The following FUBP1 variants were observed in gnomAD, a reference collection of about 807,000 sequenced individuals.
FUBP1 encodes far upstream element binding protein 1, also known as far upstream element-binding protein 1.
In FUBP1, 16 loss-of-function variants were observed where a neutral mutation model predicts 94.9. That is an observed-to-expected ratio of 0.17 (90% CI 0.11 to 0.26). FUBP1 has a LOEUF of 0.26. FUBP1 is among the 10% of genes least tolerant of loss of function. The pLI, the probability that FUBP1 is intolerant of heterozygous loss-of-function variation, is 1.00. For missense variants in FUBP1, 583 were observed against 808.6 expected (o/e 0.72, Z 3.38); for synonymous variants, 279 against 254.9 (o/e 1.09, Z -0.90).
At chr1:77,957,847 G>A (rs1364345185) in intron 16 of FUBP1, among the ~76,000 whole-genome samples, 2 of 145,058 alleles carry the variant, frequency 1.4e-5, no homozygotes, top group South Asian at 2.2e-4. Flanking sequence ...GAGATGAAGT[G>A]TCTCACTCTG....
At chr1:77,952,853 T>C (rs1016019715) in intron 18 of FUBP1, among the ~76,000 whole-genome samples, 1 of 152,172 alleles carries the variant, frequency 6.6e-6, no homozygotes, top group Non-Finnish European at 1.5e-5. Context: ...GATATACACA[T>C]GTGGCCAGGC....
At chr1:77,969,354 C>T (rs373435417) in intron 2 of FUBP1, among the ~76,000 whole-genome samples, 5 of 151,890 alleles carry the variant, frequency 3.3e-5, no homozygotes, top group African/African-American at 7.2e-5. Context: ...GAAGCTTCAA[C>T]GATTACGATT....
intron 2 of FUBP1, among the ~76,000 whole-genome samples, chr1:77,969,531 G>A (rs1234498747): frequency 6.6e-6 from 1 of 151,982 alleles, no homozygotes; most frequent in Non-Finnish European, 1.5e-5. Flanking sequence ...GGTGCAATTG[G>A]AAATAGAAAA....
intron 2 of FUBP1, among the ~76,000 whole-genome samples, chr1:77,968,474 G>A (rs982820631): frequency 3.3e-5 from 5 of 151,920 alleles, no homozygotes; most frequent in African/African-American, 9.7e-5. Context: ...AAGCACATTA[G>A]AATGACACAA....
At chr1:77,952,368 GTT>G (rs200503134) in intron 18 of FUBP1, among the ~76,000 whole-genome samples, 12 of 143,062 alleles carry the variant, frequency 8.4e-5, no homozygotes, top group South Asian at 2.2e-4. Context: ...GTTTTCAATA[GTT>G]TTTTTTTTTT....
chr1:77,952,247 A>G (rs866298522), intron 18 of FUBP1, among the ~76,000 whole-genome samples: 1 of 151,974 alleles, frequency 6.6e-6, no homozygotes. Flanking sequence ...TCAAAAAAAT[A>G]AAATAAAAAA....
At chr1:77,963,771 T>C (rs1655967271) in intron 12 of FUBP1, 56 bp from the exon 13 acceptor site, 2 of 1,444,112 alleles carry the variant, frequency 1.4e-6, no homozygotes, top group Non-Finnish European at 1.9e-6. Context: ...TTTTGTTTCA[T>C]GATAAAATTA....
Position 77,964,643 on chromosome 1 carries a change from T to C in FUBP1, c.837+3A>G, listed in dbSNP as rs776237171. ...CCATTTCTGAATGGGTATTTTTACT[T>C]ACATCTATCCCTTCATTTCCTCCTA... is the stretch of plus-strand genomic sequence containing the variant. On this transcript the variant is annotated splice_donor_region_variant and intron_variant, in intron 10 of 19. Transcript: ENST00000370768. 7 of 1,511,340 alleles carry C rather than the reference T, an allele frequency of 4.6e-6. No individual in the cohort carries two copies. The South Asian group carries it at 7.9e-5, about 17-fold the overall frequency. The allele number at this position is 1,511,340 out of a possible 1,614,324, so 93.6% of individuals were successfully genotyped here.
At chr1:77,973,736 C>T (rs1319315552) in intron 1 of FUBP1, among the ~76,000 whole-genome samples, 1 of 152,068 alleles carries the variant, frequency 6.6e-6, no homozygotes, top group African/African-American at 2.4e-5. Flanking sequence ...ACAGTAGTCT[C>T]TTTATCTTCA....
At chr1:77,960,796 A>G in intron 14 of FUBP1, 1 of 269,112 alleles carries the variant, frequency 3.7e-6, no homozygotes, top group South Asian at 4.9e-5. Context: ...CTTTCCTTTT[A>G]TCATTCTTAC....
At position 77,948,089 on chromosome 1, in the gene FUBP1, ATGTATAAAAGGAAATTTCAC is replaced by A. The variant is rs1341731041; in HGVS notation, c.*657_*676del. The A allele has an allele frequency of 9.7e-7, 1 of 1,032,762 alleles. No homozygotes were observed. Among genetic ancestry groups the A allele is most frequent in the African/African-American group, 1.7e-5 (1 of 59,346 alleles). 64.0% of individuals were successfully genotyped at this position (1,032,762 alleles called of 1,614,324 possible). On this transcript the variant is annotated 3_prime_UTR_variant, in exon 20 of 20. Transcript: ENST00000370768. ...GCAGTACAGGTCTGAAACAGTGGTCATGTATAAAAGGAAATTTCACTGTTAATGCAATGGAAGTATGCCAA... is the reference window on the plus strand; with the variant it reads ...GCAGTACAGGTCTGAAACAGTGGTCATGTTAATGCAATGGAAGTATGCCAA...
Position 77,963,680 on chromosome 1 carries a change from T to A in FUBP1, c.1077A>T (p.Arg359=), listed in dbSNP as rs1406656591. ...GNPGGPGPGG[R]GRGRGQGNWN... is the part of the protein sequence containing the mutation. Reference sequence around the variant, plus strand: ...AGTTGCCTTGACCTCTACCTCTTCCTCGACCACCAGGTCCAGGTCCACCAG... The same window carrying A: ...AGTTGCCTTGACCTCTACCTCTTCCACGACCACCAGGTCCAGGTCCACCAG... Residue 359 remains arginine, a synonymous_variant, in exon 13 of 20, where the codon CGA becomes CGT. Coordinates refer to ENST00000370768, the MANE Select transcript of FUBP1 (RefSeq NM_003902.5). 1 of 1,612,054 alleles carries A rather than the reference T, an allele frequency of 6.2e-7. No homozygotes were observed. Among genetic ancestry groups the A allele is most frequent in the East Asian group, 2.2e-5 (1 of 44,848 alleles).
intron 7 of FUBP1, among the ~76,000 whole-genome samples, chr1:77,966,190 T>C (rs1449935280): frequency 1.3e-5 from 2 of 152,026 alleles, no homozygotes; most frequent in Non-Finnish European, 2.9e-5. Flanking sequence ...GGCTGGTAGG[T>C]TTAGTGGTAG....
At chr1:77,954,810 A>G (rs1052155217) in intron 18 of FUBP1, among the ~76,000 whole-genome samples, 1 of 152,200 alleles carries the variant, frequency 6.6e-6, no homozygotes, top group Non-Finnish European at 1.5e-5. Flanking sequence ...CAAATTTGGG[A>G]GACAAGCTTG....
chr1:77,956,429 A>C, intron 17 of FUBP1, 143 bp downstream of exon 17: 1 of 529,104 alleles, frequency 1.9e-6, no homozygotes, highest in Non-Finnish European at 3.2e-6. Context: ...AAACTATTTC[A>C]AAGTAACAAT....
At chr1:77,956,732 T>G (rs1448399101) in intron 16 of FUBP1, 32 bp from the exon 17 acceptor site, 1 of 1,590,318 alleles carries the variant, frequency 6.3e-7, no homozygotes, top group Admixed American at 1.7e-5. Flanking sequence ...GGTTTGCATG[T>G]GAAGTCTGTA....
At chr1:77,968,329 C>CA in intron 2 of FUBP1, 126 bp from the exon 3 acceptor site, 2 of 622,104 alleles carry the variant, frequency 3.2e-6, no homozygotes, top group South Asian at 4.1e-5. Flanking sequence ...TCATTTGAAC[C>CA]AAAACTGCCA....
At chr1:77,978,285 G>T (rs931048066) in intron 1 of FUBP1, among the ~76,000 whole-genome samples, 5 of 152,196 alleles carry the variant, frequency 3.3e-5, no homozygotes. Context: ...GAAACCTCTG[G>T]TATAATGGGC....
Position 77,947,895 on chromosome 1 carries a change from A to G in FUBP1, c.*871T>C, listed in dbSNP as rs1652498090. The G allele has an allele frequency of 9.4e-7, 1 of 1,062,376 alleles. No homozygotes were observed. The highest frequency in any genetic ancestry group is 1.6e-5 in the African/African-American group (1 of 60,626). 65.8% of individuals were successfully genotyped at this position (1,062,376 alleles called of 1,614,324 possible). Reference sequence around the variant, plus strand: ...TTTTCTATCCTAAATTTAGAAAGAAACACACTAACATTATATACATTGAAA... The same window carrying G: ...TTTTCTATCCTAAATTTAGAAAGAAGCACACTAACATTATATACATTGAAA... On this transcript the variant is annotated 3_prime_UTR_variant, in exon 20 of 20. Transcript: ENST00000370768.
Sources: allele counts gnomAD v4.1 joint callset (sites outside exome capture counted in the v4.1 genomes callset), GRCh38; gene constraint gnomAD v4.1.1; transcripts MANE v1.5; gene names NCBI Gene and HGNC (gene_info 2026-07-23, HGNC 2026-07-21).